Variants in FBXL17 observed in about 807,000 individuals in gnomAD.
The protein encoded by FBXL17 is F-box and leucine rich repeat protein 17, also known as F-box/LRR-repeat protein 17.
In FBXL17, 22 loss-of-function variants were observed where a neutral mutation model predicts 66.2. That is an observed-to-expected ratio of 0.33 (90% CI 0.24 to 0.47). The LOEUF (loss-of-function observed/expected upper bound fraction) is 0.47, where lower values mean the gene tolerates loss of function less well. Among genes scored for constraint, FBXL17 ranks in the 20% least tolerant of loss-of-function variants. The probability of loss-of-function intolerance (pLI) is 1.00; values close to 1 mark genes in which losing one functional copy is unlikely to be tolerated. For missense variants in FBXL17, 878 were observed against 948.2 expected (o/e 0.93, Z 0.97); for synonymous variants, 474 against 400.5 (o/e 1.18, Z -2.19).
At chr5:108,290,533 A>G (rs770362660) in intron 4 of FBXL17, among the ~76,000 whole-genome samples, 4 of 152,140 alleles carry the variant, frequency 2.6e-5, no homozygotes, top group Non-Finnish European at 4.4e-5. Flanking sequence ...AGATTGGCAA[A>G]TATTGTAAAA....
intron 5 of FBXL17, among the ~76,000 whole-genome samples, chr5:108,201,273 C>T (rs1225841535): frequency 6.6e-6 from 1 of 152,036 alleles, no homozygotes; most frequent in African/African-American, 2.4e-5. Context: ...TACATAGATT[C>T]TTTGGATTAG....
chr5:108,020,847 G>C (rs891226615), intron 7 of FBXL17, 78 bp downstream of exon 7: 1 of 1,018,660 alleles, frequency 9.8e-7, no homozygotes, highest in Admixed American at 1.7e-5. Context: ...TATAGTTCTT[G>C]ATTTCTTTTT....
intron 4 of FBXL17, among the ~76,000 whole-genome samples, chr5:108,279,723 A>C (rs1757626791): frequency 6.6e-6 from 1 of 152,074 alleles, no homozygotes; most frequent in African/African-American, 2.4e-5. Flanking sequence ...AAGAACACAG[A>C]AAAATAATTA....
At chr5:108,294,041 C>G (rs1200705671) in intron 4 of FBXL17, among the ~76,000 whole-genome samples, 1 of 26,766 alleles carries the variant, frequency 3.7e-5, no homozygotes, top group African/African-American at 1.6e-4. Context: ...ACTCTTGTCT[C>G]ACAAAAAAAA....
chr5:108,259,365 T>C (rs1756715546), intron 4 of FBXL17, among the ~76,000 whole-genome samples: 1 of 152,172 alleles, frequency 6.6e-6, no homozygotes, highest in African/African-American at 2.4e-5. Context: ...AAATTGAGAA[T>C]TGATTTCAAA....
At chr5:108,031,551 G>A (rs548185148) in intron 6 of FBXL17, among the ~76,000 whole-genome samples, 1 of 152,210 alleles carries the variant, frequency 6.6e-6, no homozygotes, top group South Asian at 2.1e-4. Flanking sequence ...ATATGCTTGA[G>A]GCATTTCTGG....
rs994415835 is a variant in FBXL17 at position 108,197,018 on chromosome 5, T to A, written c.1615-10771A>T. On this transcript the variant is annotated intron_variant, in intron 5 of 8. Coordinates refer to ENST00000542267, the MANE Select transcript of FBXL17 (RefSeq NM_001163315.3). ...TTAATTGGATTTCTGCTTCTCAATA[T>A]ACCAATTCAGAATGGATGCTCTGCT... 1.2e-4 allele frequency among the ~76,000 whole-genome samples: 18 copies of A among 152,186 alleles called. 1 individual carries two copies. The highest frequency in any genetic ancestry group is 5.2e-4 in the Admixed American group (8 of 15,258).
intron 6 of FBXL17, among the ~76,000 whole-genome samples, chr5:108,070,463 T>C (rs1181008728): frequency 6.6e-6 from 1 of 152,220 alleles, no homozygotes; most frequent in Non-Finnish European, 1.5e-5. Flanking sequence ...AATTATACTG[T>C]TTTAAGTCCC....
intron 6 of FBXL17, among the ~76,000 whole-genome samples, chr5:108,101,887 T>C (rs1024235904): frequency 1.3e-5 from 2 of 152,178 alleles, no homozygotes; most frequent in African/African-American, 4.8e-5. Context: ...AAGGATATAC[T>C]TTGCAAAAAG....
chr5:108,087,377 G>GAAC (rs1561403311), intron 6 of FBXL17, among the ~76,000 whole-genome samples: 1 of 152,054 alleles, frequency 6.6e-6, no homozygotes, highest in East Asian at 1.9e-4. Context: ...AGCCTATTCC[G>GAAC]AACAGCAGCC....
intron 1 of FBXL17, among the ~76,000 whole-genome samples, chr5:108,369,070 A>C (rs1319083212): frequency 6.6e-6 from 1 of 152,186 alleles, no homozygotes. Context: ...GACAAATGAC[A>C]GACAGAACTC....
At chr5:108,012,007 T>C (rs1754195907) in intron 7 of FBXL17, among the ~76,000 whole-genome samples, 1 of 152,188 alleles carries the variant, frequency 6.6e-6, no homozygotes, top group African/African-American at 2.4e-5. Flanking sequence ...AAGTATCTCA[T>C]TGAATGTTGT....
intron 6 of FBXL17, among the ~76,000 whole-genome samples, chr5:108,174,748 C>CAAAAAAAAAAAAAAAAAAAAAAAAAAAAA: frequency 1.1e-5 from 1 of 92,526 alleles, no homozygotes; most frequent in Non-Finnish European, 2.0e-5. Context: ...CACAAAGAAG[C>CAAAAAAAAAAAAAAAAAAAAAAAAAAAAA]AAAAAAAAAA....
intron 4 of FBXL17, among the ~76,000 whole-genome samples, chr5:108,330,035 T>C (rs1324737315): frequency 6.6e-6 from 1 of 152,164 alleles, no homozygotes; most frequent in Non-Finnish European, 1.5e-5. Flanking sequence ...ATTCAATAAA[T>C]ACTTAATGCA....
rs190784297 is a variant in FBXL17, at chr5:107,989,063, C to A, written c.1822+31862G>T. Among the ~76,000 whole-genome samples the A allele has an allele frequency of 5.9e-5, 9 of 152,086 alleles. No individual in the cohort carries two copies. In the East Asian group the frequency reaches 1.7e-3, roughly 29 times the overall value. On this transcript the variant is annotated intron_variant, in intron 7 of 8. Coordinates refer to ENST00000542267, the MANE Select transcript of FBXL17 (RefSeq NM_001163315.3). ...GGTACAGGCGACATTTTGATACATA[C>A]ATACAATGTGTAATGATTAAGTCAT...
At chr5:108,220,312 C>T (rs6881990) in intron 5 of FBXL17, among the ~76,000 whole-genome samples, 1,789 of 152,166 alleles carry the variant, frequency 0.012, 35 homozygotes, top group African/African-American at 0.04. Context: ...GTTTTGTCAA[C>T]TCAGACAGTC....
intron 4 of FBXL17, among the ~76,000 whole-genome samples, chr5:108,311,796 G>C (rs1221996847): frequency 6.6e-6 from 1 of 152,180 alleles, no homozygotes. Context: ...TAGTCAGAAA[G>C]AGAATGCATA....
chr5:107,972,792 A>T (rs1350725935), intron 7 of FBXL17, among the ~76,000 whole-genome samples: 2 of 152,160 alleles, frequency 1.3e-5, no homozygotes, highest in Admixed American at 6.5e-5. Context: ...TTTTTTTTAC[A>T]GACCTTTCCC....
chr5:108,304,359 G>T (rs1325406039), intron 4 of FBXL17, among the ~76,000 whole-genome samples: 1 of 151,566 alleles, frequency 6.6e-6, no homozygotes, highest in Non-Finnish European at 1.5e-5. Context: ...CAACCCAGAA[G>T]GTTTATTCAA....
Sources: allele counts gnomAD v4.1 joint callset (sites outside exome capture counted in the v4.1 genomes callset), GRCh38; gene constraint gnomAD v4.1.1; transcripts MANE v1.5; gene names NCBI Gene and HGNC (gene_info 2026-07-23, HGNC 2026-07-21).